HACD1: variants seen among roughly 807,000 people sequenced by gnomAD.
The protein encoded by HACD1 is 3-hydroxyacyl-CoA dehydratase 1, also known as very-long-chain (3R)-3-hydroxyacyl-CoA dehydratase 1.
A neutral mutation model predicts 32.0 loss-of-function variants in HACD1; 41 were observed. The observed-to-expected ratio is 1.28, with a 90% CI of 1.00 to 1.66. The LOEUF is 1.66. Ranked by LOEUF, HACD1 falls within the 40% of genes most tolerant of loss-of-function variation. The pLI is 0.00. For synonymous variants in HACD1, 142 were observed against 139.0 expected (o/e 1.02, Z -0.15); for missense variants, 396 against 380.1 (o/e 1.04, Z -0.35).
intron 4 of HACD1, among the ~76,000 whole-genome samples, chr10:17,600,427 C>T (rs1259510236): frequency 6.6e-6 from 1 of 152,110 alleles, no homozygotes; most frequent in Non-Finnish European, 1.5e-5. Flanking sequence ...GCAACCTCCA[C>T]GTCCTAGGTT....
intron 6 of HACD1, among the ~76,000 whole-genome samples, chr10:17,590,886 C>A (rs373040182): frequency 2.0e-5 from 3 of 152,210 alleles, no homozygotes; most frequent in African/African-American, 7.2e-5. Context: ...GGTTGGTCAG[C>A]CTGGTCTTGA....
chr10:17,604,441 G>A (rs527847670), intron 1 of HACD1, among the ~76,000 whole-genome samples: 2 of 142,202 alleles, frequency 1.4e-5, no homozygotes, highest in African/African-American at 2.7e-5. Context: ...GCAAGATCAC[G>A]CCACTGCACT....
At chr10:17,603,846 A>G (rs1834105299) in intron 2 of HACD1, 84 bp downstream of exon 2, 1 of 1,469,054 alleles carries the variant, frequency 6.8e-7, no homozygotes, top group African/African-American at 1.4e-5. Context: ...GTATGTAATC[A>G]GCAAAATCAT....
chr10:17,600,382 C>T (rs558532394), intron 4 of HACD1, among the ~76,000 whole-genome samples: 2 of 152,216 alleles, frequency 1.3e-5, no homozygotes, highest in East Asian at 1.9e-4. Context: ...CTGTGTCACC[C>T]GGGCTGGAGT....
chr10:17,599,628 G>A (rs567190993), intron 4 of HACD1, among the ~76,000 whole-genome samples: 4 of 152,270 alleles, frequency 2.6e-5, no homozygotes, highest in Admixed American at 6.5e-5. Flanking sequence ...GCATAGACTC[G>A]TTTTTCTTCC....
chr10:17,604,480 CAAAAAAA>C (rs11354623), intron 1 of HACD1, among the ~76,000 whole-genome samples: 3 of 82,318 alleles, frequency 3.6e-5, no homozygotes, highest in Admixed American at 2.8e-4. Flanking sequence ...CTGTCCGTCT[CAAAAAAA>C]AAAAAAAAAA....
Position 17,599,263 on chromosome 10 carries a change from AG to A in HACD1, c.605+26del, listed in dbSNP as rs782695324. Reference sequence around the variant, plus strand: ...CAAAATAAGCATGCACAGGACAAGGAGAAACTAAACTGCAAGATATCGCCAC... The same window carrying A: ...CAAAATAAGCATGCACAGGACAAGGAAAACTAAACTGCAAGATATCGCCAC... On this transcript the variant is annotated intron_variant, in intron 5 of 6. Coordinates refer to ENST00000361271, the MANE Select transcript of HACD1 (RefSeq NM_014241.4). 1.2e-5 allele frequency: 20 copies of A among 1,612,624 alleles called. No individual in the cohort carries two copies. In the South Asian group the frequency reaches 2.1e-4, roughly 17 times the overall value.
At position 17,594,359 on chromosome 10, in the gene HACD1, A is replaced by T; in HGVS notation, c.630T>A (p.Tyr210Ter). ...WARYNFFIIL[Y>*]PVGVAGELLT... The stretch of plus-strand genomic sequence containing the variant: ...GAAGTTCACCAGCAACTCCAACAGG[A>T]TATAAGATGATAAAAAAATTATATC... The change falls in exon 6 of 7, where the codon TAT (tyrosine) becomes TAA (stop). Residue 210 changes from tyrosine (Y) to a stop codon, truncating the protein, a stop_gained. Coordinates refer to ENST00000361271, the MANE Select transcript of HACD1 (RefSeq NM_014241.4). LOFTEE classifies it high-confidence loss of function. 6.8e-7 allele frequency: 1 copy of T among 1,480,294 alleles called. No homozygotes were observed. Among genetic ancestry groups the T allele is most frequent in the African/African-American group, 1.4e-5 (1 of 70,924 alleles). The allele number at this position is 1,480,294 out of a possible 1,614,324, so 91.7% of individuals were successfully genotyped here.
chr10:17,589,678 A>G lies in HACD1; in HGVS notation c.*686T>C, dbSNP rs1401499154. On this transcript the variant is annotated 3_prime_UTR_variant, in exon 7 of 7. Transcript: ENST00000361271. ...CTTCCTAACCCCTTAAAACCTTCAC[A>G]GTTGAAAACCTTGTCCTTAAGTGGC... 6.6e-6 allele frequency: 1 copy of G among 152,144 alleles called. No homozygotes were observed. Among genetic ancestry groups the G allele is most frequent in the Non-Finnish European group, 1.5e-5 (1 of 68,054 alleles). The allele number at this position is 152,144 out of a possible 1,614,324, so 9.4% of individuals were successfully genotyped here. A position where few individuals can be genotyped will look rare whatever the true frequency, so the allele number is the denominator to read the frequency against.
intron 5 of HACD1, among the ~76,000 whole-genome samples, chr10:17,595,675 G>T (rs1833986627): frequency 6.6e-6 from 1 of 151,850 alleles, no homozygotes; most frequent in Admixed American, 6.6e-5. Flanking sequence ...AATAAGAGGG[G>T]CCTAAAGGAT....
Position 17,593,455 on chromosome 10 carries a change from A to G in HACD1, c.784+750T>C, listed in dbSNP as rs35036925. On this transcript the variant is annotated intron_variant, in intron 6 of 6. Coordinates refer to ENST00000361271, the MANE Select transcript of HACD1 (RefSeq NM_014241.4). ...CTCAGCCTCCTGAGTAGCTGAGATT[A>G]CAGGCATGCGCCACCATGCCCAGTT... 8.2e-3 allele frequency among the ~76,000 whole-genome samples: 1,250 copies of G among 152,182 alleles called. 10 individuals are homozygous for G. The highest frequency in any genetic ancestry group is 0.011 in the Non-Finnish European group (731 of 68,026).
chr10:17,594,721 G>C (rs1267859435), intron 5 of HACD1, among the ~76,000 whole-genome samples: 1 of 152,090 alleles, frequency 6.6e-6, no homozygotes, highest in Non-Finnish European at 1.5e-5. Flanking sequence ...CACCAGGCTG[G>C]AGTGCAGCGG....
At chr10:17,592,923 CG>C (rs1180037031) in intron 6 of HACD1, among the ~76,000 whole-genome samples, 1 of 152,118 alleles carries the variant, frequency 6.6e-6, no homozygotes, top group Non-Finnish European at 1.5e-5. Context: ...AGACATCTGC[CG>C]GGGGCAGGGG....
chr10:17,603,276 T>C (rs1834097710), intron 4 of HACD1: 1 of 268,538 alleles, frequency 3.7e-6, no homozygotes, highest in Non-Finnish European at 7.0e-6. Flanking sequence ...GAAAAGAACA[T>C]TTTCTGCAGG....
chr10:17,597,763 A>G (rs181456543), intron 5 of HACD1, among the ~76,000 whole-genome samples: 8 of 152,356 alleles, frequency 5.3e-5, no homozygotes, highest in Non-Finnish European at 1.0e-4. Context: ...CCAACCTTTA[A>G]AAAGCTCAGT....
intron 1 of HACD1, among the ~76,000 whole-genome samples, chr10:17,608,785 C>G (rs1834185108): frequency 1.3e-5 from 2 of 152,176 alleles, no homozygotes; most frequent in Non-Finnish European, 2.9e-5. Flanking sequence ...CCACGTCTGG[C>G]CCATACTTTC....
chr10:17,614,623 G>A (rs1833045099), intron 1 of HACD1, among the ~76,000 whole-genome samples: 1 of 152,136 alleles, frequency 6.6e-6, no homozygotes. Context: ...GCTGAGGCAG[G>A]AGGATTGCTT....
intron 4 of HACD1, among the ~76,000 whole-genome samples, chr10:17,602,603 C>T (rs896310607): frequency 7.9e-5 from 12 of 152,030 alleles, no homozygotes; most frequent in African/African-American, 2.4e-4. Flanking sequence ...GAAATATGTA[C>T]GCATTGTGAA....
intron 1 of HACD1, among the ~76,000 whole-genome samples, chr10:17,615,004 G>A (rs1010873208): frequency 1.3e-5 from 2 of 151,410 alleles, no homozygotes; most frequent in African/African-American, 4.9e-5. Flanking sequence ...CGCCCACCTC[G>A]GCCTTCCAAA....
Sources: allele counts gnomAD v4.1 joint callset (sites outside exome capture counted in the v4.1 genomes callset), GRCh38; gene constraint gnomAD v4.1.1; transcripts MANE v1.5; gene names NCBI Gene and HGNC (gene_info 2026-07-23, HGNC 2026-07-21).